Variants in AFF3 observed in about 807,000 individuals in gnomAD.
The protein encoded by AFF3 is ALF transcription elongation factor 3.
AFF3 carries 32 observed loss-of-function variants against 129.7 expected under a neutral mutation model. The observed-to-expected ratio is 0.25, with a 90% confidence interval of 0.19 to 0.33. AFF3 has a LOEUF of 0.33. Among genes scored for constraint, AFF3 ranks in the 10% least tolerant of loss-of-function variants. AFF3 has a pLI of 1.00. For missense variants in AFF3, 1,373 were observed against 1,592.0 expected (o/e 0.86, Z 2.34); for synonymous variants, 644 against 635.4 (o/e 1.01, Z -0.20).
chr2:99,957,618 C>A (rs565843860), intron 7 of AFF3, among the ~76,000 whole-genome samples: 3 of 152,200 alleles, frequency 2.0e-5, no homozygotes, highest in Non-Finnish European at 4.4e-5. Context: ...TTTAAAAGGA[C>A]CAACTGGCCC....
intron 4 of AFF3, among the ~76,000 whole-genome samples, chr2:100,069,302 C>T (rs1266462007): frequency 6.6e-6 from 1 of 151,974 alleles, no homozygotes; most frequent in Non-Finnish European, 1.5e-5. Flanking sequence ...AGATCTATAC[C>T]CCAGAACTTC....
At chr2:99,978,902 G>A (rs1679137497) in intron 7 of AFF3, among the ~76,000 whole-genome samples, 1 of 151,696 alleles carries the variant, frequency 6.6e-6, no homozygotes. Context: ...AATGTTTATT[G>A]TTTACACATC....
chr2:100,140,220 G>C (rs1481425183), intron 1 of AFF3, among the ~76,000 whole-genome samples: 2 of 152,182 alleles, frequency 1.3e-5, no homozygotes, highest in Non-Finnish European at 2.9e-5. Flanking sequence ...TGGAAGTGCA[G>C]AAGATAAAAG....
intron 7 of AFF3, among the ~76,000 whole-genome samples, chr2:99,998,924 C>A (rs1224091713): frequency 6.6e-6 from 1 of 152,160 alleles, no homozygotes; most frequent in Non-Finnish European, 1.5e-5. Flanking sequence ...AAACCTAGTT[C>A]ATGTGGCAGA....
intron 8 of AFF3, among the ~76,000 whole-genome samples, chr2:99,776,153 A>G (rs1217336227): frequency 1.3e-5 from 2 of 152,190 alleles, no homozygotes; most frequent in African/African-American, 2.4e-5. Context: ...GCATCGGGGG[A>G]AAAAAGGAAT....
chr2:99,969,964 G>T (rs946679191), intron 7 of AFF3, among the ~76,000 whole-genome samples: 1 of 152,102 alleles, frequency 6.6e-6, no homozygotes, highest in African/African-American at 2.4e-5. Context: ...TTCTCCTCTT[G>T]CAGGCATTCT....
At chr2:99,791,339 C>T (rs145229108) in intron 8 of AFF3, among the ~76,000 whole-genome samples, 2 of 152,268 alleles carry the variant, frequency 1.3e-5, no homozygotes, top group Non-Finnish European at 2.9e-5. Context: ...ATGTAATTCT[C>T]CTATGTACTT....
At chr2:99,892,685 A>C (rs1693662443) in intron 7 of AFF3, among the ~76,000 whole-genome samples, 1 of 152,160 alleles carries the variant, frequency 6.6e-6, no homozygotes, top group Admixed American at 6.5e-5. Flanking sequence ...CCTGGACGGC[A>C]GTTCCAGAGG....
intron 8 of AFF3, among the ~76,000 whole-genome samples, chr2:99,820,878 T>TC (rs1203285646): frequency 7.6e-6 from 1 of 130,904 alleles, no homozygotes; most frequent in Non-Finnish European, 1.7e-5. Context: ...ATCTTTTTTT[T>TC]TTTTTTTTTT....
intron 8 of AFF3, among the ~76,000 whole-genome samples, chr2:99,766,151 A>G (rs1433710767): frequency 3.3e-5 from 5 of 152,216 alleles, no homozygotes; most frequent in Admixed American, 3.3e-4. Flanking sequence ...GAGCAAGGTG[A>G]CAAGCCTGGG....
At chr2:99,598,975 C>T (rs965816510) in intron 14 of AFF3, among the ~76,000 whole-genome samples, 6 of 152,232 alleles carry the variant, frequency 3.9e-5, no homozygotes, top group Non-Finnish European at 7.3e-5. Flanking sequence ...GCAGAAAGAA[C>T]GAACGTGCAG....
intron 12 of AFF3, among the ~76,000 whole-genome samples, chr2:99,650,874 T>C (rs899540586): frequency 1.3e-5 from 2 of 150,932 alleles, no homozygotes; most frequent in African/African-American, 4.9e-5. Flanking sequence ...AAAAAAATCA[T>C]AAAAAAGGCT....
At chr2:99,725,218 C>G (rs1679269468) in intron 11 of AFF3, among the ~76,000 whole-genome samples, 2 of 152,112 alleles carry the variant, frequency 1.3e-5, no homozygotes, top group Non-Finnish European at 2.9e-5. Flanking sequence ...CGTGATCCGC[C>G]CCCCTTGGCC....
intron 7 of AFF3, among the ~76,000 whole-genome samples, chr2:99,865,824 A>G (rs1353445861): frequency 6.6e-6 from 1 of 152,258 alleles, no homozygotes; most frequent in Non-Finnish European, 1.5e-5. Context: ...ACTCAAGGAC[A>G]TAAAGGCTTA....
chr2:100,113,645 G>C (rs1250908565), intron 2 of AFF3, among the ~76,000 whole-genome samples: 1 of 152,152 alleles, frequency 6.6e-6, no homozygotes, highest in Non-Finnish European at 1.5e-5. Flanking sequence ...TGTCTGTGGA[G>C]CTACAGGAGC....
chr2:99,702,958 T>C (rs1677014028), intron 11 of AFF3, among the ~76,000 whole-genome samples: 1 of 152,220 alleles, frequency 6.6e-6, no homozygotes, highest in African/African-American at 2.4e-5. Context: ...ATCAAGCTTT[T>C]TGTGTCAAGT....
At chr2:99,937,136 T>C (rs1674595320) in intron 7 of AFF3, among the ~76,000 whole-genome samples, 1 of 151,346 alleles carries the variant, frequency 6.6e-6, no homozygotes, top group South Asian at 2.1e-4. Flanking sequence ...AGAATACCGG[T>C]TGAGCATCCC....
At chr2:99,928,210 T>G (rs750219274) in intron 7 of AFF3, among the ~76,000 whole-genome samples, 3 of 152,216 alleles carry the variant, frequency 2.0e-5, no homozygotes, top group Non-Finnish European at 4.4e-5. Context: ...TGTTTCATGC[T>G]TCAGAGTCTA....
At chr2:99,574,290 C>A (rs1335858624) in intron 18 of AFF3, among the ~76,000 whole-genome samples, 1 of 152,210 alleles carries the variant, frequency 6.6e-6, no homozygotes, top group Non-Finnish European at 1.5e-5. Context: ...TGAGGTCACA[C>A]TGCCACCAAT....
Sources: gnomAD v4.1 joint callset for allele counts (sites outside exome capture counted in the v4.1 genomes callset) on GRCh38, gnomAD v4.1.1 for gene constraint, MANE v1.5 for transcripts, NCBI Gene and HGNC (gene_info 2026-07-23, HGNC 2026-07-21) for gene names.